The following STUM variants were observed in gnomAD, a reference collection of about 807,000 sequenced individuals.
STUM encodes the protein stum, mechanosensory transduction mediator homolog, also known as protein stum homolog.
In STUM, 8 loss-of-function variants were observed where a neutral mutation model predicts 15.3. The observed-to-expected ratio is 0.52, with a 90% CI of 0.31 to 0.94. The LOEUF (loss-of-function observed/expected upper bound fraction) is 0.94, where lower values mean the gene tolerates loss of function less well. STUM is among the 40% of genes least tolerant of loss of function. STUM has a pLI of 0.05. For missense variants in STUM, 142 were observed against 204.9 expected, an observed-to-expected ratio of 0.69 and a Z score of 1.87; for synonymous variants, 78 against 88.7, an observed-to-expected ratio of 0.88 and a Z score of 0.68.
Position 226,549,165 on chromosome 1 carries a change from G to T in STUM, c.202+59G>T, listed in dbSNP as rs1283256181. On this transcript the variant is annotated intron_variant, in intron 1 of 3. Transcript: ENST00000366788. The surrounding 1 kb of genome is among the most constrained non-coding windows in gnomAD (Gnocchi z 6.8). Reference sequence around the variant, plus strand: ...CACCCCGCCGCGGGAGGGCGTGGGGGGAGAGAAGGGCGCGGCCGGAGACCT... The same window carrying T: ...CACCCCGCCGCGGGAGGGCGTGGGGTGAGAGAAGGGCGCGGCCGGAGACCT... 2.1e-6 allele frequency: 3 copies of T among 1,446,806 alleles called. No individual in the cohort carries two copies. Among genetic ancestry groups the T allele is most frequent in the African/African-American group, 1.5e-5 (1 of 66,852 alleles). The allele number at this position is 1,446,806 out of a possible 1,614,324, so 89.6% of individuals were successfully genotyped here.
chr1:226,601,413 C>T (rs1284514578), intron 3 of STUM, among the ~76,000 whole-genome samples: 1 of 152,216 alleles, frequency 6.6e-6, no homozygotes, highest in Non-Finnish European at 1.5e-5. Flanking sequence ...AAAACAAACA[C>T]AATACCCTTT....
chr1:226,555,937 G>A (rs191534839), intron 1 of STUM, among the ~76,000 whole-genome samples: 34 of 152,110 alleles, frequency 2.2e-4, no homozygotes, highest in Admixed American at 1.1e-3. Flanking sequence ...TTAATAATAC[G>A]TTTCATTTAA....
chr1:226,579,667 C>G (rs1280283105), intron 1 of STUM, among the ~76,000 whole-genome samples: 1 of 135,766 alleles, frequency 7.4e-6, no homozygotes, highest in Non-Finnish European at 1.6e-5. Context: ...GGGCCTTTTT[C>G]GCCCAGGCTG....
At chr1:226,556,108 G>A (rs1376388389) in intron 1 of STUM, among the ~76,000 whole-genome samples, 1 of 152,152 alleles carries the variant, frequency 6.6e-6, no homozygotes, top group Non-Finnish European at 1.5e-5. Flanking sequence ...ATTTGAAGTG[G>A]ATGTGTTAAC....
chr1:226,587,893 G>T (rs2102706046), intron 1 of STUM, among the ~76,000 whole-genome samples: 1 of 152,250 alleles, frequency 6.6e-6, no homozygotes, highest in South Asian at 2.1e-4. Context: ...AGACCCCTTA[G>T]TTACTGCATT....
Position 226,606,166 on chromosome 1 carries a change from G to A in STUM, c.*4126G>A, listed in dbSNP as rs553837538. 20 of 151,426 alleles carry A rather than the reference G, an allele frequency of 1.3e-4. No individual in the cohort carries two copies. Among genetic ancestry groups the A allele is most frequent in the Middle Eastern group, 3.4e-3 (1 of 294 alleles). The allele number at this position is 151,426 out of a possible 1,614,324, so 9.4% of individuals were successfully genotyped here. On this transcript the variant is annotated 3_prime_UTR_variant, in exon 4 of 4. Coordinates refer to ENST00000366788, the MANE Select transcript of STUM (RefSeq NM_001003665.4). ...AAAGTGGGTCTGAAACCCCAGGACCGGGTCAAAGGCCTTCCGAAGGCCCGA... is the reference window on the plus strand; with the variant it reads ...AAAGTGGGTCTGAAACCCCAGGACCAGGTCAAAGGCCTTCCGAAGGCCCGA...
At chr1:226,566,872 T>A (rs1283536003) in intron 1 of STUM, among the ~76,000 whole-genome samples, 1 of 152,248 alleles carries the variant, frequency 6.6e-6, no homozygotes. Context: ...ACAGTTGCCA[T>A]GGCAATATAA....
intron 1 of STUM, among the ~76,000 whole-genome samples, chr1:226,595,627 T>C (rs1411262551): frequency 6.6e-6 from 1 of 152,186 alleles, no homozygotes; most frequent in East Asian, 1.9e-4. Context: ...ATTAAATGGA[T>C]GGGGAGAGCA....
chr1:226,557,994 A>G (rs752655285), intron 1 of STUM, among the ~76,000 whole-genome samples: 28 of 152,256 alleles, frequency 1.8e-4, no homozygotes, highest in Non-Finnish European at 5.9e-5. Flanking sequence ...CCTTAACACA[A>G]TAAAGGCCAT....
Position 226,606,306 on chromosome 1 carries a change from C to T in STUM, c.*4266C>T, listed in dbSNP as rs837441. The T allele has an allele frequency of 5.0e-4, 76 of 152,364 alleles. No individual in the cohort carries two copies. Among genetic ancestry groups the T allele is most frequent in the Middle Eastern group, 3.4e-3 (1 of 294 alleles). The allele number at this position is 152,364 out of a possible 1,614,324, so 9.4% of individuals were successfully genotyped here. ...CCTGAAACATGTTCTTTAGCTAACC[C>T]CTTCCCTGCCCAGATGCCTGCAATT... On this transcript the variant is annotated 3_prime_UTR_variant, in exon 4 of 4. Transcript: ENST00000366788.
rs11417277 is a variant in STUM at position 226,580,128 on chromosome 1, T to TAA, written c.203-16669_203-16668dup. 1.9e-4 allele frequency among the ~76,000 whole-genome samples: 29 copies of TAA among 151,764 alleles called. No homozygotes were observed. In the East Asian group the frequency reaches 4.9e-3, roughly 25 times the overall value. The stretch of plus-strand genomic sequence containing the variant: ...GGTGGAGGTAAGAGACATTCAGAAG[T>TAA]AAAAAATGACAGATTTGGTCTCAGA... On this transcript the variant is annotated intron_variant, in intron 1 of 3. Coordinates refer to ENST00000366788, the MANE Select transcript of STUM (RefSeq NM_001003665.4).
chr1:226,554,606 A>G (rs1297702450), intron 1 of STUM, among the ~76,000 whole-genome samples: 1 of 152,162 alleles, frequency 6.6e-6, no homozygotes, highest in Non-Finnish European at 1.5e-5. Context: ...TGGATAGGTA[A>G]TGTCTGAATT....
In STUM at chr1:226,602,068, G is replaced by A. The variant is rs780064711; in HGVS notation, c.*28G>A. 2.2e-5 allele frequency: 35 copies of A among 1,595,140 alleles called. No homozygotes were observed. Among genetic ancestry groups the A allele is most frequent in the African/African-American group, 2.7e-5 (2 of 74,766 alleles). ...CCACGGGAGCCGCTGGGGAGATCCA[G>A]GGGGGCCCTGTGAGGGCTGCACCAG... On this transcript the variant is annotated 3_prime_UTR_variant, in exon 4 of 4. Transcript: ENST00000366788.
intron 2 of STUM, among the ~76,000 whole-genome samples, chr1:226,598,260 C>T (rs1668214494): frequency 6.6e-6 from 1 of 152,188 alleles, no homozygotes; most frequent in Non-Finnish European, 1.5e-5. Flanking sequence ...CTGTGCTCTG[C>T]AGGCTCCTGA....
At chr1:226,558,702 T>A (rs1232030408) in intron 1 of STUM, among the ~76,000 whole-genome samples, 1 of 152,180 alleles carries the variant, frequency 6.6e-6, no homozygotes, top group Non-Finnish European at 1.5e-5. Flanking sequence ...TGCACCTGTG[T>A]GTTTGTGTGC....
At chr1:226,590,380 T>C (rs1210190976) in intron 1 of STUM, among the ~76,000 whole-genome samples, 1 of 152,142 alleles carries the variant, frequency 6.6e-6, no homozygotes, top group African/African-American at 2.4e-5. Context: ...CCCCTCTCAC[T>C]GAACCTTGCT....
chr1:226,602,123 T>C lies in STUM; in HGVS notation c.*83T>C. On this transcript the variant is annotated 3_prime_UTR_variant, in exon 4 of 4. Transcript: ENST00000366788. The stretch of plus-strand genomic sequence containing the variant: ...CTTTGGGCACAAGGACCTTTACATG[T>C]TCTTTTCTGCCATTTTCTGGACTGG... 1 of 1,042,550 alleles carries C rather than the reference T, an allele frequency of 9.6e-7. No homozygotes were observed. The highest frequency in any genetic ancestry group is 1.4e-6 in the Non-Finnish European group (1 of 698,162). The allele number at this position is 1,042,550 out of a possible 1,614,324, so 64.6% of individuals were successfully genotyped here.
rs772749044 is a variant in STUM at position 226,579,628 on chromosome 1, C to CTTTTTTT, written c.203-17169_203-17168insTTTTTTT. Among the ~76,000 whole-genome samples, 13 of 132,204 alleles carry CTTTTTTT rather than the reference C, an allele frequency of 9.8e-5. 2 individuals carry two copies. The highest frequency in any genetic ancestry group is 2.1e-4 in the Non-Finnish European group (13 of 62,200). The allele number at this position is 132,204 out of a possible 152,430, so 86.7% of individuals were successfully genotyped here. A position where few individuals can be genotyped will look rare whatever the true frequency, so the allele number is the denominator to read the frequency against. ...AGACCAACTTGGGAAGGCCTTATTTCTTTTTCTTTTTCTTTTTCTTTTGAG... is the reference window on the plus strand; with the variant it reads ...AGACCAACTTGGGAAGGCCTTATTTCTTTTTTTTTTTTCTTTTTCTTTTTCTTTTGAG... On this transcript the variant is annotated intron_variant, in intron 1 of 3. Transcript: ENST00000366788.
At chr1:226,576,134 C>T (rs575870594) in intron 1 of STUM, among the ~76,000 whole-genome samples, 31 of 152,366 alleles carry the variant, frequency 2.0e-4, no homozygotes, top group African/African-American at 7.0e-4. Context: ...GAATGGAGCA[C>T]GACTCCTCTT....
Sources: gnomAD v4.1 joint callset for allele counts (sites outside exome capture counted in the v4.1 genomes callset) on GRCh38, gnomAD v4.1.1 for gene constraint, Gnocchi (gnomAD v3.1) non-coding constraint, MANE v1.5 for transcripts, NCBI Gene and HGNC (gene_info 2026-07-23, HGNC 2026-07-21) for gene names.